The following CTNNA3 variants were observed in gnomAD, a reference collection of about 807,000 sequenced individuals.
The protein encoded by CTNNA3 is catenin alpha-3.
CTNNA3 carries 76 observed loss-of-function variants against 95.7 expected under a neutral mutation model. That is an observed-to-expected ratio of 0.79 (90% CI 0.66 to 0.96). The LOEUF is 0.96. Among genes scored for constraint, CTNNA3 ranks in the 40% least tolerant of loss-of-function variants. The pLI, the probability that CTNNA3 is intolerant of heterozygous loss-of-function variation, is 0.00. For missense variants in CTNNA3, 1,191 were observed against 1,089.8 expected (o/e 1.09, Z -1.31); for synonymous variants, 431 against 374.4 (o/e 1.15, Z -1.74).
At chr10:66,138,031 A>G (rs1333610691) in intron 13 of CTNNA3, among the ~76,000 whole-genome samples, 1 of 137,964 alleles carries the variant, frequency 7.2e-6, no homozygotes, top group Non-Finnish European at 1.6e-5. Context: ...AACAAAGAAA[A>G]TAAAATAGTA....
rs895816950 is a variant in CTNNA3 at position 66,810,496 on chromosome 10, T to A, written c.1048-34972A>T. ...TTCAGAAACATCTCTCAATTTCAGA[T>A]CTCCCATCCATTGACTTATTTTAGG... On this transcript the variant is annotated intron_variant, in intron 7 of 17. Transcript: ENST00000433211. Among the ~76,000 whole-genome samples the A allele has an allele frequency of 3.3e-5, 5 of 152,234 alleles. No homozygotes were observed. The South Asian group carries it at 1.0e-3, about 32-fold the overall frequency.
chr10:66,271,457 A>G (rs928565881), intron 13 of CTNNA3, among the ~76,000 whole-genome samples: 1 of 152,212 alleles, frequency 6.6e-6, no homozygotes, highest in African/African-American at 2.4e-5. Context: ...AACTTACTAG[A>G]TTGAATACTT....
At chr10:67,411,512 T>G (rs1845366372) in intron 5 of CTNNA3, among the ~76,000 whole-genome samples, 1 of 152,080 alleles carries the variant, frequency 6.6e-6, no homozygotes, top group African/African-American at 2.4e-5. Context: ...ATCTGTACCC[T>G]GTTATATTTC....
chr10:66,767,274 C>A (rs56996505), intron 8 of CTNNA3, among the ~76,000 whole-genome samples: 6 of 151,670 alleles, frequency 4.0e-5, no homozygotes, highest in Non-Finnish European at 7.4e-5. Flanking sequence ...GGTAAAACCC[C>A]GTCTCTACTA....
At chr10:67,359,069 A>C (rs1041914734) in intron 5 of CTNNA3, among the ~76,000 whole-genome samples, 1 of 152,122 alleles carries the variant, frequency 6.6e-6, no homozygotes, top group African/African-American at 2.4e-5. Context: ...TTCCATAAAT[A>C]TGCATCACCT....
intron 10 of CTNNA3, among the ~76,000 whole-genome samples, chr10:66,571,240 T>C (rs1000001416): frequency 6.6e-6 from 1 of 152,226 alleles, no homozygotes; most frequent in Non-Finnish European, 1.5e-5. Flanking sequence ...CTACCTTTAA[T>C]ATAGTCATAT....
At chr10:67,711,508 C>G (rs1273353021) in intron 1 of CTNNA3, among the ~76,000 whole-genome samples, 3 of 152,098 alleles carry the variant, frequency 2.0e-5, no homozygotes, top group African/African-American at 7.2e-5. Flanking sequence ...TTTGCCCCTT[C>G]CCTAAAGATG....
chr10:67,728,389 G>T (rs899193590), intron 1 of CTNNA3, among the ~76,000 whole-genome samples: 14 of 148,890 alleles, frequency 9.4e-5, no homozygotes, highest in Non-Finnish European at 1.8e-4. Flanking sequence ...GGAGGTGGAG[G>T]TTATATATAT....
chr10:67,428,804 C>T (rs1846006912), intron 5 of CTNNA3, among the ~76,000 whole-genome samples: 1 of 151,964 alleles, frequency 6.6e-6, no homozygotes, highest in African/African-American at 2.4e-5. Flanking sequence ...ATGGGGCTAG[C>T]CTACCAGCCT....
chr10:67,160,522 C>T (rs763165517), intron 7 of CTNNA3, among the ~76,000 whole-genome samples: 7 of 149,804 alleles, frequency 4.7e-5, no homozygotes, highest in African/African-American at 9.9e-5. Flanking sequence ...ACTGCAGCCT[C>T]GACCACTTGG....
In CTNNA3 at chr10:66,328,067, C is replaced by A. The variant is rs547248514; in HGVS notation, c.1733-47446G>T. ...TAGATAGCCATTCTTTTAATATTGA[C>A]ATTGTGCCATGCTAATATTATTTCA... On this transcript the variant is annotated intron_variant, in intron 12 of 17. Transcript: ENST00000433211. Among the ~76,000 whole-genome samples the A allele has an allele frequency of 3.3e-5, 5 of 152,134 alleles. No individual in the cohort carries two copies. The South Asian group carries it at 1.0e-3, about 32-fold the overall frequency.
At chr10:66,090,673 C>G (rs925216804) in intron 14 of CTNNA3, among the ~76,000 whole-genome samples, 1 of 151,912 alleles carries the variant, frequency 6.6e-6, no homozygotes, top group African/African-American at 2.4e-5. Context: ...TGTTTGGAGG[C>G]TGACTTTTTC....
intron 1 of CTNNA3, among the ~76,000 whole-genome samples, chr10:67,672,476 G>A (rs930261060): frequency 1.3e-5 from 2 of 152,048 alleles, no homozygotes; most frequent in Non-Finnish European, 2.9e-5. Flanking sequence ...TTTCTTCTAG[G>A]GTTTTTATGG....
At chr10:67,659,549 A>G (rs925498925) in intron 1 of CTNNA3, among the ~76,000 whole-genome samples, 5 of 152,214 alleles carry the variant, frequency 3.3e-5, no homozygotes, top group Admixed American at 2.6e-4. Flanking sequence ...GGTTACCTAC[A>G]TATTTTTTAA....
At chr10:66,837,876 C>G (rs796139812) in intron 7 of CTNNA3, among the ~76,000 whole-genome samples, 3 of 152,098 alleles carry the variant, frequency 2.0e-5, no homozygotes, top group African/African-American at 7.2e-5. Context: ...TATAAATATC[C>G]CTAATTCTCT....
At chr10:66,524,850 G>C (rs187805919) in intron 10 of CTNNA3, among the ~76,000 whole-genome samples, 2 of 152,230 alleles carry the variant, frequency 1.3e-5, no homozygotes, top group Middle Eastern at 3.4e-3. Context: ...AGGAGTGCGA[G>C]ACCAGACTGA....
At chr10:66,828,156 A>G (rs1842582561) in intron 7 of CTNNA3, among the ~76,000 whole-genome samples, 1 of 152,248 alleles carries the variant, frequency 6.6e-6, no homozygotes, top group Non-Finnish European at 1.5e-5. Context: ...TCAAGATGGA[A>G]ATGATGAGTG....
intron 5 of CTNNA3, among the ~76,000 whole-genome samples, chr10:67,249,115 A>C (rs1431369483): frequency 2.6e-5 from 4 of 152,188 alleles, no homozygotes; most frequent in Non-Finnish European, 4.4e-5. Flanking sequence ...AAAACTAAAA[A>C]ATTTTGCTTA....
chr10:66,177,405 T>C (rs761491380), intron 13 of CTNNA3, among the ~76,000 whole-genome samples: 1 of 152,046 alleles, frequency 6.6e-6, no homozygotes, highest in Non-Finnish European at 1.5e-5. Context: ...CACCAGATTT[T>C]TAAAAATTTT....
Sources: allele counts gnomAD v4.1 joint callset (sites outside exome capture counted in the v4.1 genomes callset), GRCh38; gene constraint gnomAD v4.1.1; transcripts MANE v1.5; gene names NCBI Gene and HGNC (gene_info 2026-07-23, HGNC 2026-07-21).